Variants in CEACAM6 observed in about 807,000 individuals in gnomAD.
CEACAM6 encodes the protein cell adhesion molecule CEACAM6.
In CEACAM6, 21 loss-of-function variants were observed where a neutral mutation model predicts 32.4. The observed-to-expected ratio is 0.65, with a 90% confidence interval of 0.46 to 0.93. The LOEUF (loss-of-function observed/expected upper bound fraction) is 0.93, where lower values mean the gene tolerates loss of function less well. CEACAM6 is among the 40% of genes least tolerant of loss of function. The probability of loss-of-function intolerance (pLI) is 0.00; values close to 1 mark genes in which losing one functional copy is unlikely to be tolerated. For missense variants in CEACAM6, 406 were observed against 432.2 expected, an observed-to-expected ratio of 0.94 and a Z score of 0.54; for synonymous variants, 184 against 174.4, an observed-to-expected ratio of 1.06 and a Z score of -0.43.
At chr19:41,764,435 T>G (rs1331158768) in intron 4 of CEACAM6, among the ~76,000 whole-genome samples, 1 of 151,938 alleles carries the variant, frequency 6.6e-6, no homozygotes, top group South Asian at 2.1e-4. Flanking sequence ...TACAGGCATA[T>G]GCCATCATGC....
intron 4 of CEACAM6, among the ~76,000 whole-genome samples, chr19:41,765,830 C>A (rs1555822337): frequency 6.6e-6 from 1 of 152,152 alleles, no homozygotes. Flanking sequence ...AAGTCCCTGC[C>A]ATAGAGCTCC....
In CEACAM6 at chr19:41,755,610, A is replaced by C; in HGVS notation, c.-29A>C. 6.2e-7 allele frequency: 1 copy of C among 1,610,330 alleles called. No individual in the cohort carries two copies. The highest frequency in any genetic ancestry group is 8.5e-7 in the Non-Finnish European group (1 of 1,177,178). On this transcript the variant is annotated 5_prime_UTR_variant, in exon 1 of 6. Transcript: ENST00000199764. ...TCCTGGAGCTCAAGCTCCTCTACAA[A>C]GAGGTGGACAGAGAAGACAGCAGAG...
rs2072983759 is a variant in CEACAM6 at position 41,769,968 on chromosome 19, T to C, written c.*41-834T>C. Among the ~76,000 whole-genome samples the C allele has an allele frequency of 4.6e-5, 7 of 151,282 alleles. 1 individual carries two copies. The South Asian group carries it at 1.5e-3, about 31-fold the overall frequency. ...CTGGTTATATTACCCAGGCTTTGAT[T>C]GGGATGTTATATTTGGGAATATACA... On this transcript the variant is annotated intron_variant, in intron 5 of 5. Transcript: ENST00000199764.
intron 2 of CEACAM6, 115 bp downstream of exon 2, chr19:41,757,074 G>A: frequency 6.6e-7 from 1 of 1,503,932 alleles, no homozygotes; most frequent in Non-Finnish European, 8.9e-7. Context: ...CTGTATCAGG[G>A]TTTGGACATT....
intron 2 of CEACAM6, among the ~76,000 whole-genome samples, chr19:41,757,533 T>C (rs541913503): frequency 2.6e-5 from 4 of 152,104 alleles, no homozygotes; most frequent in African/African-American, 9.7e-5. Context: ...TAGCTGAGGA[T>C]AGGGCCTCCT....
intron 5 of CEACAM6, among the ~76,000 whole-genome samples, chr19:41,769,264 T>G (rs1307240352): frequency 5.9e-5 from 9 of 152,188 alleles, no homozygotes; most frequent in African/African-American, 9.7e-5. Context: ...ATTTTGATTC[T>G]TCCTTCCTTA....
intron 4 of CEACAM6, among the ~76,000 whole-genome samples, 160 bp from the exon 5 acceptor site, chr19:41,766,023 C>G (rs1453646855): frequency 6.6e-6 from 1 of 152,214 alleles, no homozygotes; most frequent in African/African-American, 2.4e-5. Context: ...GATCACCAAC[C>G]TAGAAACGTG....
chr19:41,769,816 T>C lies in CEACAM6; in HGVS notation c.*41-986T>C, dbSNP rs2072982554. Among the ~76,000 whole-genome samples, 3 of 139,956 alleles carry C rather than the reference T, an allele frequency of 2.1e-5. No individual in the cohort carries two copies. The South Asian group carries it at 6.4e-4, about 30-fold the overall frequency. 91.8% of individuals were successfully genotyped at this position (139,956 alleles called of 152,430 possible). A position where few individuals can be genotyped will look rare whatever the true frequency, so the allele number is the denominator to read the frequency against. ...AATTTATTAATATTTATTAATAAAT[T>C]AATAATTATTATTTAACGACTAATT... On this transcript the variant is annotated intron_variant, in intron 5 of 5. Transcript: ENST00000199764.
At chr19:41,761,659 G>A (rs1464162135) in intron 3 of CEACAM6, 132 bp downstream of exon 3, 2 of 1,470,692 alleles carry the variant, frequency 1.4e-6, no homozygotes, top group East Asian at 4.5e-5. Context: ...TTCCTGCCCT[G>A]AGCAAACCTG....
At position 41,762,970 on chromosome 19, in the gene CEACAM6, C is replaced by T. The variant is rs564153058; in HGVS notation, c.958+747C>T. 2.9e-3 allele frequency among the ~76,000 whole-genome samples: 439 copies of T among 152,220 alleles called. 2 individuals carry two copies. Among genetic ancestry groups the T allele is most frequent in the Non-Finnish European group, 5.3e-3 (361 of 68,012 alleles). On this transcript the variant is annotated intron_variant, in intron 4 of 5. Coordinates refer to ENST00000199764, the MANE Select transcript of CEACAM6 (RefSeq NM_002483.7). ...AAGACTGTGGGCACAGCACATGGGA[C>T]ACAGCACAGAGGACAGCAAGTGACG...
At chr19:41,768,757 G>A (rs2072973043) in intron 5 of CEACAM6, among the ~76,000 whole-genome samples, 1 of 151,954 alleles carries the variant, frequency 6.6e-6, no homozygotes, top group Non-Finnish European at 1.5e-5. Flanking sequence ...TCCCGGACGG[G>A]GCGGCTGGCC....
intron 2 of CEACAM6, among the ~76,000 whole-genome samples, chr19:41,759,855 C>T (rs964329011): frequency 2.0e-5 from 3 of 152,168 alleles, no homozygotes; most frequent in Non-Finnish European, 2.9e-5. Flanking sequence ...GTCAAGCATC[C>T]CACATCCAAT....
At chr19:41,760,555 T>C (rs965620382) in intron 2 of CEACAM6, among the ~76,000 whole-genome samples, 27 of 152,246 alleles carry the variant, frequency 1.8e-4, no homozygotes, top group African/African-American at 6.3e-4. Flanking sequence ...AGGCAGCTCC[T>C]GCCTGTCCCC....
rs536650547 is a variant in CEACAM6 at position 41,767,349 on chromosome 19, G to A, written c.*40+1050G>A. Among the ~76,000 whole-genome samples the A allele has an allele frequency of 3.9e-5, 6 of 152,244 alleles. No homozygotes were observed. In the South Asian group the frequency reaches 1.2e-3, roughly 32 times the overall value. On this transcript the variant is annotated intron_variant, in intron 5 of 5. Coordinates refer to ENST00000199764, the MANE Select transcript of CEACAM6 (RefSeq NM_002483.7). ...GAACTTTGGACACATCCTGCATGTG[G>A]CTGAGAACCTTTTCCTGACAATCAA...
rs201170634 is a variant in CEACAM6 at position 41,769,463 on chromosome 19, G to T, written c.*41-1339G>T. 5.9e-5 allele frequency among the ~76,000 whole-genome samples: 9 copies of T among 152,020 alleles called. No individual in the cohort carries two copies. In the East Asian group the frequency reaches 9.6e-4, roughly 16 times the overall value. On this transcript the variant is annotated intron_variant, in intron 5 of 5. Coordinates refer to ENST00000199764, the MANE Select transcript of CEACAM6 (RefSeq NM_002483.7). Reference sequence around the variant, plus strand: ...AAACTGCCAACCAAGAGCAAGCAGAGAATTCATTTCATGAGACTAAAAGAT... The same window carrying T: ...AAACTGCCAACCAAGAGCAAGCAGATAATTCATTTCATGAGACTAAAAGAT...
rs113746245 is a variant in CEACAM6, at chr19:41,758,955, G to A, written c.424+1996G>A. Reference sequence around the variant, plus strand: ...TCCCCATCCAGGGCTCTTTCCCCCAGTGAGGCCGACATGTGGAACAGGCCA... The same window carrying A: ...TCCCCATCCAGGGCTCTTTCCCCCAATGAGGCCGACATGTGGAACAGGCCA... On this transcript the variant is annotated intron_variant, in intron 2 of 5. Coordinates refer to ENST00000199764, the MANE Select transcript of CEACAM6 (RefSeq NM_002483.7). Among the ~76,000 whole-genome samples, 46 of 152,320 alleles carry A rather than the reference G, an allele frequency of 3.0e-4. 1 individual carries two copies. The highest frequency in any genetic ancestry group is 1.1e-3 in the African/African-American group (44 of 41,562).
rs538677969 is a variant in CEACAM6 at position 41,755,829 on chromosome 19, C to A, written c.64+127C>A. The A allele has an allele frequency of 4.9e-5, 32 of 657,048 alleles. No individual in the cohort carries two copies. In the South Asian group the frequency reaches 6.9e-4, roughly 14 times the overall value. The allele number at this position is 657,048 out of a possible 1,614,324, so 40.7% of individuals were successfully genotyped here. On this transcript the variant is annotated intron_variant, in intron 1 of 5. Transcript: ENST00000199764. The stretch of plus-strand genomic sequence containing the variant: ...TGTTGAAGCCTGAGGAAACAGAACA[C>A]CAGAGAGGGACAGGGGTCACAACAG...
In CEACAM6 at chr19:41,761,468, G is replaced by A; in HGVS notation, c.644G>A (p.Cys215Tyr). The change falls in exon 3 of 6, where the codon TGT becomes TAT. Residue 215 changes from cysteine (C) to tyrosine (Y), a missense_variant. Physicochemically the swap from Cys to Tyr is radical, Grantham distance 194. Transcript: ENST00000199764. The part of the protein sequence containing the change: ...VKRNDAGSYE[C>Y]EIQNPASANR... ...AGGAACGATGCAGGATCCTATGAAT[G>A]TGAAATACAGAACCCAGCGAGTGCC... 6.2e-7 allele frequency: 1 copy of A among 1,614,206 alleles called. No homozygotes were observed. The highest frequency in any genetic ancestry group is 8.5e-7 in the Non-Finnish European group (1 of 1,180,040).
In CEACAM6 at chr19:41,766,218, G is replaced by A. The variant is rs143238640; in HGVS notation, c.994G>A (p.Gly332Ser). Reference protein sequence around the residue: ...APVLSAVATVGITIGVLARVA... With the variant: ...APVLSAVATVSITIGVLARVA... ...TGTCCTCTCAGCTGTGGCCACCGTC[G>A]GCATCACGATTGGAGTGCTGGCCAG... Residue 332 changes from glycine (G) to serine (S), a missense_variant, in exon 5 of 6, where the codon GGC becomes AGC. Coordinates refer to ENST00000199764, the MANE Select transcript of CEACAM6 (RefSeq NM_002483.7). 2.2e-5 allele frequency: 35 copies of A among 1,607,012 alleles called. No homozygotes were observed. The African/African-American group carries it at 2.4e-4, about 11-fold the overall frequency.
Sources: allele counts gnomAD v4.1 joint callset (sites outside exome capture counted in the v4.1 genomes callset), GRCh38; gene constraint gnomAD v4.1.1; transcripts MANE v1.5; gene names NCBI Gene and HGNC (gene_info 2026-07-23, HGNC 2026-07-21).